EPHB1: variants seen among roughly 807,000 people sequenced by gnomAD.
EPHB1 encodes the protein ephrin type-B receptor 1.
In EPHB1, 30 loss-of-function variants were observed where a neutral mutation model predicts 94.4. The ratio of observed to expected loss-of-function variants is 0.32; its 90% CI spans 0.24 to 0.43. EPHB1 has a LOEUF of 0.43. EPHB1 is among the 20% of genes least tolerant of loss of function. The pLI is 1.00. For missense variants in EPHB1, 1,055 were observed against 1,308.3 expected (o/e 0.81, Z 2.99); for synonymous variants, 522 against 489.1 (o/e 1.07, Z -0.89).
chr3:134,897,860 G>T (rs1303975284), intron 1 of EPHB1, among the ~76,000 whole-genome samples: 1 of 152,170 alleles, frequency 6.6e-6, no homozygotes, highest in Non-Finnish European at 1.5e-5. Context: ...GACAGCTGGG[G>T]CTGTCAGTGC....
intron 12 of EPHB1, among the ~76,000 whole-genome samples, chr3:135,204,179 G>A (rs1031104852): frequency 1.5e-5 from 2 of 130,260 alleles, no homozygotes; most frequent in African/African-American, 5.4e-5. Flanking sequence ...TACCCTTTTA[G>A]TTATCTTAAT....
intron 6 of EPHB1, among the ~76,000 whole-genome samples, chr3:135,156,419 A>T (rs1442236430): frequency 6.6e-6 from 1 of 152,188 alleles, no homozygotes; most frequent in East Asian, 1.9e-4. Context: ...GTGGGACATG[A>T]CTGCACTGGC....
At chr3:135,070,001 G>T (rs941971052) in intron 3 of EPHB1, among the ~76,000 whole-genome samples, 1 of 152,114 alleles carries the variant, frequency 6.6e-6, no homozygotes, top group Non-Finnish European at 1.5e-5. Context: ...GGAACACATA[G>T]CCTGAATCTA....
Position 135,038,523 on chromosome 3 carries a change from A to G in EPHB1, c.806-67925A>G, listed in dbSNP as rs996978691. Reference sequence around the variant, plus strand: ...AGGTGCCAGGCTGCTGAGTTGGACCATTTTGGCTCCTTGAGGCCCCCTATG... The same window carrying G: ...AGGTGCCAGGCTGCTGAGTTGGACCGTTTTGGCTCCTTGAGGCCCCCTATG... On this transcript the variant is annotated intron_variant, in intron 3 of 15. Transcript: ENST00000398015. Among the ~76,000 whole-genome samples the G allele has an allele frequency of 2.0e-5, 3 of 152,108 alleles. No individual in the cohort carries two copies. In the East Asian group the frequency reaches 5.8e-4, roughly 29 times the overall value.
intron 2 of EPHB1, among the ~76,000 whole-genome samples, chr3:134,933,721 G>A (rs1467221480): frequency 1.3e-5 from 2 of 152,214 alleles, no homozygotes; most frequent in East Asian, 3.9e-4. Flanking sequence ...TAACCTCCTG[G>A]ATGCTGGCTC....
intron 3 of EPHB1, among the ~76,000 whole-genome samples, chr3:134,964,725 C>G (rs1045807518): frequency 1.3e-5 from 2 of 152,192 alleles, no homozygotes; most frequent in Non-Finnish European, 2.9e-5. Context: ...TTTCCCTCTG[C>G]ATCTTTGGTC....
intron 1 of EPHB1, among the ~76,000 whole-genome samples, chr3:134,898,879 G>T (rs575393286): frequency 6.6e-5 from 10 of 152,178 alleles, no homozygotes; most frequent in African/African-American, 2.4e-4. Flanking sequence ...GTGTGCTGTG[G>T]ACCAGCCTGG....
At chr3:134,867,697 T>G (rs1247453262) in intron 1 of EPHB1, among the ~76,000 whole-genome samples, 2 of 152,172 alleles carry the variant, frequency 1.3e-5, no homozygotes, top group Non-Finnish European at 2.9e-5. Flanking sequence ...AGTTCAAGAT[T>G]GTATTCCAAT....
intron 4 of EPHB1, among the ~76,000 whole-genome samples, chr3:135,108,873 C>A (rs186660882): frequency 6.6e-4 from 100 of 152,286 alleles, no homozygotes; most frequent in African/African-American, 2.3e-3. Context: ...TGACTCCTCA[C>A]CACTCCCTGC....
intron 7 of EPHB1, among the ~76,000 whole-genome samples, chr3:135,162,510 G>T (rs760126476): frequency 1.3e-5 from 2 of 152,020 alleles, no homozygotes; most frequent in Non-Finnish European, 2.9e-5. Flanking sequence ...TCACCCTCAC[G>T]CCCACTTCAC....
intron 3 of EPHB1, among the ~76,000 whole-genome samples, chr3:135,081,062 A>T (rs941606612): frequency 6.6e-6 from 1 of 152,054 alleles, no homozygotes; most frequent in Non-Finnish European, 1.5e-5. Flanking sequence ...TCTCCATCCT[A>T]TCTCCATCTA....
intron 1 of EPHB1, among the ~76,000 whole-genome samples, chr3:134,802,838 C>G (rs926114434): frequency 6.6e-6 from 1 of 152,246 alleles, no homozygotes; most frequent in African/African-American, 2.4e-5. Context: ...TGCTCACTCA[C>G]TCTCCAGCAA....
At chr3:135,052,389 A>G (rs1322945333) in intron 3 of EPHB1, among the ~76,000 whole-genome samples, 1 of 152,126 alleles carries the variant, frequency 6.6e-6, no homozygotes, top group Non-Finnish European at 1.5e-5. Flanking sequence ...GTTAGAAGAA[A>G]AGGCTGGTTA....
At chr3:134,885,782 C>T (rs2037850935) in intron 1 of EPHB1, among the ~76,000 whole-genome samples, 1 of 152,174 alleles carries the variant, frequency 6.6e-6, no homozygotes, top group Non-Finnish European at 1.5e-5. Context: ...ACTTCCCAAC[C>T]TTCTTTGACC....
At chr3:134,828,852 T>C (rs1261384479) in intron 1 of EPHB1, among the ~76,000 whole-genome samples, 1 of 152,178 alleles carries the variant, frequency 6.6e-6, no homozygotes, top group Admixed American at 6.5e-5. Flanking sequence ...GAGAAGTTCC[T>C]AGTTAAAAAG....
In EPHB1 at chr3:134,804,361, C is replaced by T. The variant is rs377119171; in HGVS notation, c.58+8672C>T. On this transcript the variant is annotated intron_variant, in intron 1 of 15. Coordinates refer to ENST00000398015, the MANE Select transcript of EPHB1 (RefSeq NM_004441.5). ...TCACCAGAATAGCACGGGGAAAGAC[C>T]GGCCACCATGATTCAATTCCCTTGG... is the stretch of plus-strand genomic sequence containing the variant. Among the ~76,000 whole-genome samples, 140 of 152,232 alleles carry T rather than the reference C, an allele frequency of 9.2e-4. 1 individual carries two copies. Among genetic ancestry groups the T allele is most frequent in the African/African-American group, 3.0e-3 (125 of 41,548 alleles).
At chr3:134,914,897 TCACTCCC>T (rs2038533893) in intron 1 of EPHB1, among the ~76,000 whole-genome samples, 1 of 152,078 alleles carries the variant, frequency 6.6e-6, no homozygotes, top group African/African-American at 2.4e-5. Context: ...CAGGAGCATC[TCACTCCC>T]CATGTCCTAT....
At chr3:135,051,494 G>A (rs1465654511) in intron 3 of EPHB1, among the ~76,000 whole-genome samples, 1 of 152,142 alleles carries the variant, frequency 6.6e-6, no homozygotes, top group African/African-American at 2.4e-5. Flanking sequence ...TGAAATTTAG[G>A]AATGGCTCAA....
intron 1 of EPHB1, among the ~76,000 whole-genome samples, chr3:134,894,765 C>A (rs1046369965): frequency 6.6e-6 from 1 of 152,230 alleles, no homozygotes; most frequent in African/African-American, 2.4e-5. Flanking sequence ...GTAGGATTTT[C>A]TCTGCGTCCT....
Sources: allele counts gnomAD v4.1 joint callset (sites outside exome capture counted in the v4.1 genomes callset), GRCh38; gene constraint gnomAD v4.1.1; transcripts MANE v1.5; gene names NCBI Gene and HGNC (gene_info 2026-07-23, HGNC 2026-07-21).